CES5A: variants seen among roughly 807,000 people sequenced by gnomAD.
The protein encoded by CES5A is carboxylesterase 5A.
CES5A carries 67 observed loss-of-function variants against 62.9 expected under a neutral mutation model. That is an observed-to-expected ratio of 1.07 (90% confidence interval 0.88 to 1.31). CES5A has a LOEUF of 1.31. Among genes scored for constraint, CES5A ranks in the 50% most tolerant of loss-of-function variants. The pLI, the probability that CES5A is intolerant of heterozygous loss-of-function variation, is 0.00. For synonymous variants in CES5A, 296 were observed against 280.8 expected (o/e 1.05, Z -0.54); for missense variants, 748 against 708.5 (o/e 1.06, Z -0.63).
At chr16:55,910,245 A>C (rs1438528691) in intron 1 of CES5A, among the ~76,000 whole-genome samples, 1 of 152,170 alleles carries the variant, frequency 6.6e-6, no homozygotes, top group Non-Finnish European at 1.5e-5. Flanking sequence ...TCCAACAGCC[A>C]CTGGCCTGAG....
chr16:55,946,368 G>A (rs2034494865), intron 2 of CES5A, among the ~76,000 whole-genome samples: 2 of 152,194 alleles, frequency 1.3e-5, no homozygotes, highest in African/African-American at 4.8e-5. Flanking sequence ...AAAAAAAAAT[G>A]GGAAAGAAGC....
intron 2 of CES5A, chr16:55,949,751 C>T (rs2142486827): frequency 8.7e-7 from 1 of 1,154,400 alleles, no homozygotes; most frequent in South Asian, 1.6e-5. Context: ...AAGGGGCAGA[C>T]CCAACCCTGG....
chr16:55,873,013 T>G (rs2033623803), intron 2 of CES5A, among the ~76,000 whole-genome samples: 1 of 152,170 alleles, frequency 6.6e-6, no homozygotes, highest in Admixed American at 6.5e-5. Flanking sequence ...CTTGATGTCC[T>G]CAGTCCTTGG....
chr16:55,917,808 C>G (rs544018874), intron 1 of CES5A, among the ~76,000 whole-genome samples: 1 of 152,208 alleles, frequency 6.6e-6, no homozygotes, highest in East Asian at 1.9e-4. Flanking sequence ...GTCACTGAGG[C>G]CATCTTAAAC....
chr16:55,918,834 C>T (rs1207620065), intron 1 of CES5A, among the ~76,000 whole-genome samples: 15 of 152,310 alleles, frequency 9.8e-5, no homozygotes, highest in African/African-American at 3.1e-4. Context: ...TTGTAAACTA[C>T]AGGCACCTCA....
At chr16:55,884,816 T>G (rs2033798048) in intron 1 of CES5A, among the ~76,000 whole-genome samples, 1 of 152,134 alleles carries the variant, frequency 6.6e-6, no homozygotes, top group Non-Finnish European at 1.5e-5. Flanking sequence ...GGTCTTGAAC[T>G]CCTTGGCTTA....
chr16:55,951,103 C>CAAAAAAAAAAAAAAA lies in CES5A; in HGVS notation c.43-1216_43-1202dup, dbSNP rs55951124. 3.4e-4 allele frequency among the ~76,000 whole-genome samples: 15 copies of CAAAAAAAAAAAAAAA among 44,378 alleles called. 1 individual carries two copies. The highest frequency in any genetic ancestry group is 1.7e-3 in the African/African-American group (14 of 8,142). 29.1% of individuals were successfully genotyped at this position (44,378 alleles called of 152,430 possible). On this transcript the variant is annotated intron_variant, in intron 1 of 13. Coordinates refer to the CES5A transcript ENST00000521992. ...CCTGGGAGACAGCGAGACTCCATCTCAAAAAAAAAAAAAAAAAAAAAAAAA... is the reference window on the plus strand; with the variant it reads ...CCTGGGAGACAGCGAGACTCCATCTCAAAAAAAAAAAAAAAAAAAAAAAAAAAAAAAAAAAAAAAA...
Position 55,909,467 on chromosome 16 carries a change from T to G in CES5A, c.-256+15856A>C, listed in dbSNP as rs181098557. Among the ~76,000 whole-genome samples the G allele has an allele frequency of 4.5e-4, 68 of 152,198 alleles. No individual in the cohort carries two copies. In the East Asian group the frequency reaches 0.011, roughly 24 times the overall value. On this transcript the variant is annotated intron_variant, in intron 1 of 12. Transcript: ENST00000518005. ...CACCAAGGAGAACTGTGTTCTACAT[T>G]GGGGTAGAACACAGAGAGGTGGCAG...
chr16:55,867,699 A>G (rs1403877645), intron 4 of CES5A, among the ~76,000 whole-genome samples: 4 of 152,158 alleles, frequency 2.6e-5, no homozygotes, highest in Non-Finnish European at 5.9e-5. Context: ...CTCAGCCTCG[A>G]GCACAGGATT....
chr16:55,868,175 C>G (rs139705112), intron 4 of CES5A, among the ~76,000 whole-genome samples: 2,073 of 152,288 alleles, frequency 0.014, 47 homozygotes, highest in African/African-American at 0.047. Flanking sequence ...AAACCAGATA[C>G]GATAAGCAAT....
intron 10 of CES5A, among the ~76,000 whole-genome samples, chr16:55,850,980 G>A (rs147591362): frequency 2.5e-3 from 383 of 152,150 alleles, no homozygotes; most frequent in South Asian, 0.023. Flanking sequence ...ATAGTATATA[G>A]AAAAACTAAC....
At chr16:55,915,409 G>C (rs556608036) in intron 1 of CES5A, among the ~76,000 whole-genome samples, 9 of 152,286 alleles carry the variant, frequency 5.9e-5, no homozygotes, top group Admixed American at 4.6e-4. Context: ...GCAGTGGAAG[G>C]GGGTGGAGAA....
chr16:55,929,409 T>C (rs2034287521), upstream of CES5A, among the ~76,000 whole-genome samples: 1 of 152,152 alleles, frequency 6.6e-6, no homozygotes, highest in Admixed American at 6.5e-5. Flanking sequence ...TGCCTGCCCG[T>C]ACATCCCCTC....
intron 1 of CES5A, among the ~76,000 whole-genome samples, chr16:55,923,672 A>G (rs2034231373): frequency 6.6e-6 from 1 of 151,898 alleles, no homozygotes; most frequent in Admixed American, 6.6e-5. Context: ...CTATGAGGCC[A>G]GCATTATCCA....
intron 1 of CES5A, chr16:55,949,934 C>A (rs1015741567): frequency 1.0e-6 from 1 of 986,406 alleles, no homozygotes. Flanking sequence ...TAATAATAAA[C>A]ATTGATGATA....
intron 1 of CES5A, 90 bp from the exon 2 acceptor site, chr16:55,874,127 C>G: frequency 8.8e-7 from 1 of 1,141,618 alleles, no homozygotes; most frequent in Non-Finnish European, 1.3e-6. Context: ...TGGGGATGTG[C>G]TTCCTTCACT....
chr16:55,923,558 G>A (rs1410090768), intron 1 of CES5A, among the ~76,000 whole-genome samples: 1 of 151,760 alleles, frequency 6.6e-6, no homozygotes, highest in East Asian at 1.9e-4. Flanking sequence ...CCCAGGACCT[G>A]ATAGCTTCAC....
At chr16:55,926,897 C>T (rs1239934600), upstream of CES5A, among the ~76,000 whole-genome samples, 3 of 152,170 alleles carry the variant, frequency 2.0e-5, no homozygotes, top group Non-Finnish European at 4.4e-5. Flanking sequence ...TAGTAGCCAT[C>T]GCTTTGATTG....
rs193099236 is a variant in CES5A at position 55,897,839 on chromosome 16, A to G, written c.-255-23802T>C. 5.9e-5 allele frequency among the ~76,000 whole-genome samples: 9 copies of G among 152,352 alleles called. No homozygotes were observed. In the East Asian group the frequency reaches 1.7e-3, roughly 29 times the overall value. ...CATTGGTAGAATAAAGAAATGTAGT[A>G]GTAGGATAAATAAATTGTGGTATAT... On this transcript the variant is annotated intron_variant, in intron 1 of 12. Transcript: ENST00000518005.
Sources: allele counts gnomAD v4.1 joint callset (sites outside exome capture counted in the v4.1 genomes callset), GRCh38; gene constraint gnomAD v4.1.1; transcripts MANE v1.5; gene names NCBI Gene and HGNC (gene_info 2026-07-23, HGNC 2026-07-21).